The following EHMT2 variants were observed in gnomAD, a reference collection of about 807,000 sequenced individuals.
EHMT2 encodes the protein euchromatic histone lysine methyltransferase 2, also known as histone-lysine N-methyltransferase EHMT2.
A neutral mutation model predicts 143.3 loss-of-function variants in EHMT2; 59 were observed. The observed-to-expected ratio is 0.41, with a 90% CI of 0.33 to 0.51. EHMT2 has a LOEUF of 0.51. Ranked by LOEUF, EHMT2 falls within the 20% of genes least tolerant of loss-of-function variation. The pLI is 0.18. For missense variants in EHMT2, 1,174 were observed against 1,645.9 expected (o/e 0.71, Z 4.96); for synonymous variants, 604 against 651.5 (o/e 0.93, Z 1.11).
intron 15 of EHMT2, 65 bp from the exon 16 acceptor site, chr6:31,887,166 T>G: frequency 7.2e-7 from 1 of 1,382,824 alleles, no homozygotes; most frequent in Non-Finnish European, 9.9e-7. Flanking sequence ...AGGGGGCAGG[T>G]GGCACTTCTT....
chr6:31,885,276 G>C, intron 18 of EHMT2: 1 of 398,364 alleles, frequency 2.5e-6, no homozygotes, highest in Admixed American at 4.1e-5. Context: ...AGGAGATGGA[G>C]GCCATTGTGG....
chr6:31,896,139 G>T, intron 4 of EHMT2, 124 bp downstream of exon 4: 1 of 1,363,408 alleles, frequency 7.3e-7, no homozygotes, highest in South Asian at 1.4e-5. Context: ...CCTAATATTT[G>T]ACACACAGCA....
intron 4 of EHMT2, among the ~76,000 whole-genome samples, chr6:31,894,078 G>A (rs900768111): frequency 6.6e-6 from 1 of 151,922 alleles, no homozygotes; most frequent in Non-Finnish European, 1.5e-5. Flanking sequence ...AGGTTCAAGC[G>A]TTTCTCTCAC....
chr6:31,892,695 A>G, exon 6 of EHMT2: 1 of 1,613,086 alleles, frequency 6.2e-7, no homozygotes, highest in Non-Finnish European at 8.5e-7. Context: ...GCTGCTTACC[A>G]GGCCACCTCC....
chr6:31,897,088 G>T, intron 1 of EHMT2, 99 bp from the exon 2 acceptor site: 1 of 1,479,356 alleles, frequency 6.8e-7, no homozygotes, highest in Non-Finnish European at 9.0e-7. Flanking sequence ...AGGCTCCGGG[G>T]CCTACCTCTT....
chr6:31,888,589 A>G lies in EHMT2; in HGVS notation c.1365+10T>C. 6.2e-7 allele frequency: 1 copy of G among 1,611,668 alleles called. No individual in the cohort carries two copies. The highest frequency in any genetic ancestry group is 8.5e-7 in the Non-Finnish European group (1 of 1,179,526). On this transcript the variant is annotated intron_variant, in intron 11 of 27. Transcript: ENST00000375537. This position sits in a 1 kb window ranked among gnomAD's most constrained non-coding sequence, Gnocchi z 7.4. The stretch of plus-strand genomic sequence containing the variant: ...GCCCTGGCACCTCTCCCACCAGCCC[A>G]CGGCCCCACCTCTCCGTCCACACTC...
At chr6:31,894,809 TTTA>T (rs3037244) in intron 4 of EHMT2, among the ~76,000 whole-genome samples, 230 of 150,284 alleles carry the variant, frequency 1.5e-3, no homozygotes, top group Middle Eastern at 3.5e-3. Flanking sequence ...ACCTGGCTAA[TTTA>T]TTATTATTAT....
rs1466755136 is a variant in EHMT2 at position 31,883,012 on chromosome 6, A to G, written c.2995-3T>C. 4.3e-6 allele frequency: 7 copies of G among 1,611,974 alleles called. No individual in the cohort carries two copies. Among genetic ancestry groups the G allele is most frequent in the African/African-American group, 4.0e-5 (3 of 74,822 alleles). On this transcript the variant is annotated splice_polypyrimidine_tract_variant and splice_region_variant and intron_variant, in intron 23 of 27. Transcript: ENST00000375537. The surrounding 1 kb of genome is among the most constrained non-coding windows in gnomAD (Gnocchi z 5.6). The stretch of plus-strand genomic sequence containing the variant: ...AATTCCTGGAGCAATCGCCCATCCT[A>G]GGGTGCGGAGGGGAGGATAGTGGTT...
intron 24 of EHMT2, 44 bp from the exon 25 acceptor site, chr6:31,882,829 A>G (rs1423939522): frequency 6.2e-7 from 1 of 1,611,566 alleles, no homozygotes; most frequent in Non-Finnish European, 8.5e-7. Flanking sequence ...GGCCCTGGAA[A>G]AGCCCCAGGG....
chr6:31,892,392 C>G lies in EHMT2; in HGVS notation c.864+15G>C, dbSNP rs375382894. The G allele has an allele frequency of 6.2e-7, 1 of 1,610,342 alleles. No homozygotes were observed. Among genetic ancestry groups the G allele is most frequent in the South Asian group, 1.1e-5 (1 of 90,964 alleles). On this transcript the variant is annotated intron_variant, in intron 7 of 27. Coordinates refer to ENST00000375537, the Ensembl canonical transcript of EHMT2. ...GGGGAGCACCGGCGGGGAGGGCAGA[C>G]CAGCTCTGTCTCACCTTGCTGTCGG...
chr6:31,887,981 T>C lies in EHMT2; in HGVS notation c.1746-20A>G, dbSNP rs766464987. 3 of 1,576,670 alleles carry C rather than the reference T, an allele frequency of 1.9e-6. No individual in the cohort carries two copies. Among genetic ancestry groups the C allele is most frequent in the South Asian group, 1.2e-5 (1 of 86,798 alleles). On this transcript the variant is annotated intron_variant, in intron 13 of 27. Coordinates refer to ENST00000375537, the Ensembl canonical transcript of EHMT2. ...CGGGCACTGTGGAAGAAGGAGCTCATGTCCAGGAGCAATAGGGGTGGGGGA... is the reference window on the plus strand; with the variant it reads ...CGGGCACTGTGGAAGAAGGAGCTCACGTCCAGGAGCAATAGGGGTGGGGGA...
chr6:31,886,874 C>T, exon 17 of EHMT2: 1 of 1,614,220 alleles, frequency 6.2e-7, no homozygotes, highest in Non-Finnish European at 8.5e-7. Flanking sequence ...GCTGTTTGTC[C>T]ACTGCATTTA....
rs751519549 is a variant in EHMT2, at chr6:31,880,098, G to A, written c.3619C>T (p.Pro1207Ser). Residue 1207 changes from proline (P) to serine (S), a missense_variant, in exon 28 of 28, where the codon CCT (proline) becomes TCT (serine). Pro to Ser is a moderately conservative substitution (Grantham distance 74, BLOSUM62 -1). This residue lies in a region of EHMT2 where 42 missense variants were observed against 45.1 expected (regional missense o/e 0.93). Coordinates refer to ENST00000375537, the Ensembl canonical transcript of EHMT2. This position sits in a 1 kb window ranked among gnomAD's most constrained non-coding sequence, Gnocchi z 6.6. ...GTGGTCCGTTCTCATGTGTTGACAG[G>A]GGGCAGGGAGCCGAGCTCGGGCAGC... 3.7e-6 allele frequency: 6 copies of A among 1,612,526 alleles called. No homozygotes were observed. The South Asian group carries it at 6.6e-5, about 18-fold the overall frequency.
chr6:31,886,734 C>T (rs1764900939), intron 17 of EHMT2, 41 bp downstream of exon 17: 3 of 1,613,860 alleles, frequency 1.9e-6, no homozygotes, highest in Admixed American at 1.7e-5. Flanking sequence ...CAAACCTGGT[C>T]CCTGACTCCG....
chr6:31,897,123 C>T (rs2151672845), intron 1 of EHMT2, 134 bp from the exon 2 acceptor site: 2 of 1,397,226 alleles, frequency 1.4e-6, no homozygotes, highest in East Asian at 5.6e-5. Flanking sequence ...CCCCCTTCCG[C>T]GGCCTCGGCT....
In EHMT2 at chr6:31,881,443, AC is replaced by A. The variant is rs1764098452; in HGVS notation, c.3198-352del. ...GATATGGAACAGGAGAGGGGCCAGG[AC>A]TGCAGGAAGAGCCAGAGGTACAGGA... is the stretch of plus-strand genomic sequence containing the variant. On this transcript the variant is annotated intron_variant, in intron 25 of 27. Coordinates refer to ENST00000375537, the Ensembl canonical transcript of EHMT2. The surrounding 1 kb of genome is among the most constrained non-coding windows in gnomAD (Gnocchi z 4.8). The A allele has an allele frequency of 2.5e-6, 1 of 398,800 alleles. No homozygotes were observed. Among genetic ancestry groups the A allele is most frequent in the Admixed American group, 3.6e-5 (1 of 28,016 alleles). The allele number at this position is 398,800 out of a possible 1,614,324, so 24.7% of individuals were successfully genotyped here. A position where few individuals can be genotyped will look rare whatever the true frequency, so the allele number is the denominator to read the frequency against.
Position 31,880,328 on chromosome 6 carries a change from C to A in EHMT2, c.3453-64G>T, listed in dbSNP as rs1763939009. ...AGCCACCAAGAGCCCACCCCGAAGA[C>A]CCTGTGGATCCTGCTCCCTGAGAGG... On this transcript the variant is annotated intron_variant, in intron 27 of 27. Transcript: ENST00000375537. This position sits in a 1 kb window ranked among gnomAD's most constrained non-coding sequence, Gnocchi z 6.6. The A allele has an allele frequency of 6.4e-7, 1 of 1,559,208 alleles. No homozygotes were observed. The highest frequency in any genetic ancestry group is 1.2e-5 in the South Asian group (1 of 86,546).
chr6:31,895,048 G>A (rs987203938), intron 4 of EHMT2, among the ~76,000 whole-genome samples: 14 of 152,176 alleles, frequency 9.2e-5, no homozygotes, highest in African/African-American at 3.4e-4. Context: ...TTTACAAAAT[G>A]AATTGCAACT....
intron 4 of EHMT2, among the ~76,000 whole-genome samples, chr6:31,895,193 TGC>T (rs1298450370): frequency 7.2e-5 from 11 of 152,228 alleles, no homozygotes; most frequent in Admixed American, 1.3e-4. Context: ...TGGAGGCAAC[TGC>T]TTAAAGGCAT....
Sources: allele counts gnomAD v4.1 joint callset (sites outside exome capture counted in the v4.1 genomes callset), GRCh38; gene constraint gnomAD v4.1.1; regional missense constraint gnomAD v4.1.1; non-coding constraint Gnocchi (gnomAD v3.1); transcripts MANE v1.5; gene names NCBI Gene and HGNC (gene_info 2026-07-23, HGNC 2026-07-21).